RSBN1: variants seen among roughly 807,000 people sequenced by gnomAD.
RSBN1 encodes round spermatid basic protein 1.
In RSBN1, 23 loss-of-function variants were observed where a neutral mutation model predicts 74.8. The observed-to-expected ratio is 0.31, with a 90% CI of 0.22 to 0.44. RSBN1 has a LOEUF of 0.44. RSBN1 is among the 20% of genes least tolerant of loss of function. The probability of loss-of-function intolerance (pLI) is 1.00; values close to 1 mark genes in which losing one functional copy is unlikely to be tolerated. For synonymous variants in RSBN1, 407 were observed against 379.6 expected, an observed-to-expected ratio of 1.07 and a Z score of -0.84; for missense variants, 808 against 1,020.9, an observed-to-expected ratio of 0.79 and a Z score of 2.84.
intron 4 of RSBN1, among the ~76,000 whole-genome samples, chr1:113,770,177 G>A (rs1264342735): frequency 6.6e-6 from 1 of 152,164 alleles, no homozygotes; most frequent in African/African-American, 2.4e-5. Context: ...AGAGACTTCT[G>A]GGAAGTTTCC....
chr1:113,792,885 A>C (rs1323669021), intron 2 of RSBN1, among the ~76,000 whole-genome samples: 1 of 152,168 alleles, frequency 6.6e-6, no homozygotes, highest in Non-Finnish European at 1.5e-5. Context: ...TCCTGTATCA[A>C]CTGCTAAGAG....
intron 1 of RSBN1, among the ~76,000 whole-genome samples, chr1:113,805,122 A>G (rs1571311864): frequency 1.4e-5 from 2 of 147,068 alleles, no homozygotes; most frequent in African/African-American, 2.5e-5. Context: ...TGTTTGTCCT[A>G]TTTTTTTTTT....
chr1:113,791,157 AAC>A (rs1181204433), intron 2 of RSBN1, among the ~76,000 whole-genome samples: 3 of 152,184 alleles, frequency 2.0e-5, no homozygotes, highest in Admixed American at 1.3e-4. Flanking sequence ...CAACAGGAAA[AAC>A]ACAGTCTTTG....
Position 113,778,712 on chromosome 1 carries a change from C to T in RSBN1, c.1378-904G>A, listed in dbSNP as rs142744706. 6.7e-4 allele frequency among the ~76,000 whole-genome samples: 102 copies of T among 152,252 alleles called. 1 individual carries two copies. The highest frequency in any genetic ancestry group is 1.9e-4 in the East Asian group (1 of 5,182). On this transcript the variant is annotated intron_variant, in intron 2 of 6. Coordinates refer to ENST00000261441, the MANE Select transcript of RSBN1 (RefSeq NM_018364.5). ...CTTTTCTGTCAACCCAAATCGTATCCATCTTTCAAAGAGCAGTTCAAAAGC... is the reference window on the plus strand; with the variant it reads ...CTTTTCTGTCAACCCAAATCGTATCTATCTTTCAAAGAGCAGTTCAAAAGC...
Position 113,797,713 on chromosome 1 carries a change from G to A in RSBN1, c.1027C>T (p.His343Tyr). 1 of 1,614,104 alleles carries A rather than the reference G, an allele frequency of 6.2e-7. No homozygotes were observed. The highest frequency in any genetic ancestry group is 1.1e-5 in the South Asian group (1 of 91,072). Residue 343 changes from histidine to tyrosine, a missense_variant, in exon 2 of 7, where the codon CAT (histidine) becomes TAT (tyrosine). By Grantham distance (83) the His-to-Tyr change is moderately conservative. Around this residue, in one of 6 missense-constraint regions of RSBN1, gnomAD observed 85 missense variants for 126.2 expected, o/e 0.67. Coordinates refer to ENST00000261441, the MANE Select transcript of RSBN1 (RefSeq NM_018364.5). The part of the protein sequence containing the change: ...VQTPFMTHQE[H>Y]SIRRNFLKTG... ...TTTAAGAAATTTCTACGAATAGAAT[G>A]TTCCTGGTGAGTCATAAAAGGTGTT...
chr1:113,784,639 G>A (rs1240363667), intron 2 of RSBN1, among the ~76,000 whole-genome samples: 1 of 152,164 alleles, frequency 6.6e-6, no homozygotes, highest in African/African-American at 2.4e-5. Flanking sequence ...TATGAGAATC[G>A]AATGCTGCAG....
intron 2 of RSBN1, among the ~76,000 whole-genome samples, chr1:113,787,015 T>C (rs1660257685): frequency 6.6e-6 from 1 of 152,198 alleles, no homozygotes; most frequent in African/African-American, 2.4e-5. Context: ...GCATATAAAC[T>C]TCAATATCTG....
chr1:113,779,839 G>A (rs1037528841), intron 2 of RSBN1, among the ~76,000 whole-genome samples: 1 of 150,448 alleles, frequency 6.6e-6, no homozygotes, highest in African/African-American at 2.4e-5. Context: ...TGGCCGAGAT[G>A]GTGAAATCCC....
At chr1:113,791,070 G>A (rs2101812101) in intron 2 of RSBN1, among the ~76,000 whole-genome samples, 2 of 152,242 alleles carry the variant, frequency 1.3e-5, no homozygotes, top group South Asian at 4.1e-4. Flanking sequence ...ACAGAATTGG[G>A]AGGACTGGAG....
In RSBN1 at chr1:113,798,017, A is replaced by G; in HGVS notation, c.723T>C (p.Gly241=). 6.2e-7 allele frequency: 1 copy of G among 1,604,886 alleles called. No homozygotes were observed. The highest frequency in any genetic ancestry group is 1.1e-5 in the South Asian group (1 of 89,968). The change falls in exon 2 of 7, where the codon GGT becomes GGC. Residue 241 remains glycine, a synonymous_variant. Coordinates refer to ENST00000261441, the MANE Select transcript of RSBN1 (RefSeq NM_018364.5). ...CAAAATCATCGGCTCTCTGGGTTTT[A>G]CCATTTTCATCTGGTGTTTCTGGCC... ...APKRETPDEN[G]KTQRADDFVL...
chr1:113,781,749 T>C (rs1660144332), intron 2 of RSBN1, among the ~76,000 whole-genome samples: 1 of 152,204 alleles, frequency 6.6e-6, no homozygotes, highest in Admixed American at 6.5e-5. Context: ...ATTCATTTTC[T>C]CAGGTCCTAA....
At chr1:113,806,356 T>G (rs1660699326) in intron 1 of RSBN1, among the ~76,000 whole-genome samples, 1 of 151,806 alleles carries the variant, frequency 6.6e-6, no homozygotes, top group Non-Finnish European at 1.5e-5. Context: ...AAATCATTGT[T>G]ACATTACAGG....
Position 113,797,384 on chromosome 1 carries a change from G to A in RSBN1, c.1356C>T (p.Thr452=). The A allele has an allele frequency of 6.2e-7, 1 of 1,607,100 alleles. No individual in the cohort carries two copies. The highest frequency in any genetic ancestry group is 8.5e-7 in the Non-Finnish European group (1 of 1,177,618). The change falls in exon 2 of 7, where the codon ACC becomes ACT. Residue 452 remains threonine (T), a synonymous_variant. Transcript: ENST00000261441. ...ILGKKDIETT[T]ISNFHTQVNR... is the part of the protein sequence containing the mutation. ...TTACCTGAGTGTGAAAATTTGAAAT[G>A]GTGGTTGTTTCAATATCTTTCTTGC...
At chr1:113,800,021 A>T (rs1660550066) in intron 1 of RSBN1, among the ~76,000 whole-genome samples, 3 of 152,332 alleles carry the variant, frequency 2.0e-5, no homozygotes, top group South Asian at 4.1e-4. Flanking sequence ...AACAAGTTCA[A>T]CAAATTTTAG....
intron 1 of RSBN1, among the ~76,000 whole-genome samples, chr1:113,803,094 C>G (rs1660618886): frequency 6.6e-6 from 1 of 152,190 alleles, no homozygotes; most frequent in South Asian, 2.1e-4. Flanking sequence ...TAATTGGAAT[C>G]ATAAAATGTG....
chr1:113,810,810 A>G (rs1023050487), intron 1 of RSBN1, among the ~76,000 whole-genome samples: 1 of 152,260 alleles, frequency 6.6e-6, no homozygotes, highest in African/African-American at 2.4e-5. Flanking sequence ...TATAAAGTAC[A>G]AACATACGGC....
intron 2 of RSBN1, among the ~76,000 whole-genome samples, chr1:113,793,001 A>C (rs1370309927): frequency 6.6e-6 from 1 of 152,244 alleles, no homozygotes; most frequent in Non-Finnish European, 1.5e-5. Context: ...AGAAAACCCT[A>C]TATGTGGATC....
chr1:113,808,839 T>C lies in RSBN1; in HGVS notation c.703+2871A>G, dbSNP rs1004440003. On this transcript the variant is annotated intron_variant, in intron 1 of 6. Transcript: ENST00000261441. The stretch of plus-strand genomic sequence containing the variant: ...GCCTAAGGCTGTAAAGGGTTTGTGG[T>C]GGTGGAACAGTTCTGTATCTTGATT... Among the ~76,000 whole-genome samples the C allele has an allele frequency of 2.0e-5, 3 of 152,182 alleles. No individual in the cohort carries two copies. The East Asian group carries it at 5.8e-4, about 29-fold the overall frequency.
intron 2 of RSBN1, among the ~76,000 whole-genome samples, chr1:113,796,926 A>G (rs1660483642): frequency 6.6e-6 from 1 of 152,228 alleles, no homozygotes; most frequent in Non-Finnish European, 1.5e-5. Flanking sequence ...TCTGGGATGG[A>G]CTGCCAACAA....
Sources: allele counts gnomAD v4.1 joint callset (sites outside exome capture counted in the v4.1 genomes callset), GRCh38; gene constraint gnomAD v4.1.1; regional missense constraint gnomAD v4.1.1; transcripts MANE v1.5; gene names NCBI Gene and HGNC (gene_info 2026-07-23, HGNC 2026-07-21).